The following DRC11 variants were observed in gnomAD, a reference collection of about 807,000 sequenced individuals.
DRC11 encodes dynein regulatory complex subunit 11.
chr2:236,338,019 GT>G, the DRC11 span, among the ~76,000 whole-genome samples: 2 of 152,340 alleles, frequency 1.3e-5, no homozygotes, highest in South Asian at 2.1e-4. Flanking sequence ...AGAACAGAAC[GT>G]GACCTAGTGG....
the DRC11 span, among the ~76,000 whole-genome samples, chr2:236,429,931 A>G: frequency 8.5e-5 from 13 of 152,072 alleles, no homozygotes; most frequent in Non-Finnish European, 1.6e-4. The surrounding 1 kb of genome is among the most constrained non-coding windows in gnomAD (Gnocchi z 5.9). Context: ...CCTCTGCAGA[A>G]TATGCTGTTG....
chr2:236,360,781 A>C, the DRC11 span, among the ~76,000 whole-genome samples: 5 of 152,218 alleles, frequency 3.3e-5, no homozygotes, highest in African/African-American at 1.2e-4. This position sits in a 1 kb window ranked among gnomAD's most constrained non-coding sequence, Gnocchi z 5.8. Context: ...ATTTCCATTG[A>C]AACTCTGGAG....
the DRC11 span, among the ~76,000 whole-genome samples, chr2:236,354,720 G>A: frequency 1.3e-5 from 2 of 152,164 alleles, no homozygotes; most frequent in Admixed American, 1.3e-4. Context: ...ACCTGCGGAT[G>A]CCACTCTGTG....
the DRC11 span, among the ~76,000 whole-genome samples, chr2:236,477,570 C>A: frequency 6.6e-6 from 1 of 152,002 alleles, no homozygotes; most frequent in Admixed American, 6.6e-5. Context: ...GTCACCTGGT[C>A]TTTTCTTCTC....
the DRC11 span, among the ~76,000 whole-genome samples, chr2:236,357,015 T>TCTATATATTCA: frequency 7.9e-4 from 102 of 129,630 alleles, 4 homozygotes; most frequent in Admixed American, 1.1e-3. Context: ...TATTCATATA[T>TCTATATATTCA]TATATATCTA....
the DRC11 span, among the ~76,000 whole-genome samples, chr2:236,384,945 A>G: frequency 1.3e-5 from 2 of 151,776 alleles, no homozygotes; most frequent in Admixed American, 6.6e-5. Context: ...TGTTTTTCTC[A>G]GGTTTGTCAA....
chr2:236,460,325 G>A, the DRC11 span, among the ~76,000 whole-genome samples: 1 of 152,148 alleles, frequency 6.6e-6, no homozygotes, highest in Non-Finnish European at 1.5e-5. The surrounding 1 kb of genome is among the most constrained non-coding windows in gnomAD (Gnocchi z 4.0). Flanking sequence ...TCTTCAAAGG[G>A]CGTCCATAAA....
At chr2:236,447,576 T>C in the DRC11 span, among the ~76,000 whole-genome samples, 1 of 152,338 alleles carries the variant, frequency 6.6e-6, no homozygotes, top group African/African-American at 2.4e-5. The surrounding 1 kb of genome is among the most constrained non-coding windows in gnomAD (Gnocchi z 4.6). Flanking sequence ...TGACCAAATG[T>C]TGACTAATGG....
At chr2:236,461,526 A>G in the DRC11 span, among the ~76,000 whole-genome samples, 1 of 152,238 alleles carries the variant, frequency 6.6e-6, no homozygotes, top group Non-Finnish European at 1.5e-5. The surrounding 1 kb of genome is among the most constrained non-coding windows in gnomAD (Gnocchi z 4.0). Context: ...TGCACCATTC[A>G]CTGCTTATTC....
chr2:236,326,340 G>GGTCAGT, the DRC11 span, among the ~76,000 whole-genome samples: 1 of 152,124 alleles, frequency 6.6e-6, no homozygotes, highest in Non-Finnish European at 1.5e-5. Flanking sequence ...CATTAATGAA[G>GGTCAGT]GTCAGTGTCT....
chr2:236,424,909 A>G, the DRC11 span, among the ~76,000 whole-genome samples: 1 of 151,948 alleles, frequency 6.6e-6, no homozygotes, highest in Admixed American at 6.6e-5. Flanking sequence ...GAGATCATGC[A>G]GTATTTGTCT....
At chr2:236,425,174 T>G in the DRC11 span, among the ~76,000 whole-genome samples, 2 of 152,030 alleles carry the variant, frequency 1.3e-5, no homozygotes, top group Non-Finnish European at 2.9e-5. Context: ...TTTGGATACA[T>G]ACTCAGTAGT....
At chr2:236,358,634 T>C in the DRC11 span, among the ~76,000 whole-genome samples, 20,812 of 123,792 alleles carry the variant, frequency 0.17, 2,456 homozygotes, top group African/African-American at 0.27. Flanking sequence ...CTTTTTCTGA[T>C]CTCTGCCCTG....
the DRC11 span, among the ~76,000 whole-genome samples, chr2:236,354,322 T>G: frequency 6.6e-6 from 1 of 151,446 alleles, no homozygotes; most frequent in Non-Finnish European, 1.5e-5. Flanking sequence ...TGTGCATGTG[T>G]GTGAGTGTAT....
chr2:236,330,216 G>T, the DRC11 span, among the ~76,000 whole-genome samples: 5 of 151,918 alleles, frequency 3.3e-5, no homozygotes, highest in Non-Finnish European at 7.4e-5. This position sits in a 1 kb window ranked among gnomAD's most constrained non-coding sequence, Gnocchi z 5.5. Context: ...TTGCCAGAGC[G>T]GGGGTCAGCA....
chr2:236,499,920 G>A, the DRC11 span, among the ~76,000 whole-genome samples: 1 of 152,138 alleles, frequency 6.6e-6, no homozygotes, highest in African/African-American at 2.4e-5. The surrounding 1 kb of genome is among the most constrained non-coding windows in gnomAD (Gnocchi z 4.7). Flanking sequence ...GCCCCTCCAG[G>A]CATCCTCTGC....
At chr2:236,313,615 C>T in the DRC11 span, among the ~76,000 whole-genome samples, 2 of 152,206 alleles carry the variant, frequency 1.3e-5, no homozygotes, top group African/African-American at 4.8e-5. The surrounding 1 kb of genome is among the most constrained non-coding windows in gnomAD (Gnocchi z 4.5). Context: ...TAGAAATCCT[C>T]ATAGCAACTT....
At chr2:236,497,934 C>T in the DRC11 span, among the ~76,000 whole-genome samples, 1 of 151,880 alleles carries the variant, frequency 6.6e-6, no homozygotes, top group African/African-American at 2.4e-5. The surrounding 1 kb of genome is among the most constrained non-coding windows in gnomAD (Gnocchi z 5.1). Flanking sequence ...ATAATTATAC[C>T]CTAGAGAAAC....
At chr2:236,379,262 C>A in the DRC11 span, among the ~76,000 whole-genome samples, 1 of 151,862 alleles carries the variant, frequency 6.6e-6, no homozygotes, top group Admixed American at 6.6e-5. Context: ...GAGGGAACCC[C>A]CAAACAGAAG....
Sources: gnomAD v4.1 joint callset for allele counts (sites outside exome capture counted in the v4.1 genomes callset) on GRCh38, gnomAD v4.1.1 for gene constraint, Gnocchi (gnomAD v3.1) non-coding constraint, MANE v1.5 for transcripts, NCBI Gene and HGNC (gene_info 2026-07-23, HGNC 2026-07-21) for gene names.